PTK2B: variants seen among roughly 807,000 people sequenced by gnomAD.
The protein encoded by PTK2B is protein-tyrosine kinase 2-beta.
A neutral mutation model predicts 142.9 loss-of-function variants in PTK2B; 71 were observed. The observed-to-expected ratio is 0.50, with a 90% confidence interval of 0.41 to 0.61. PTK2B has a LOEUF of 0.61. PTK2B is among the 20% of genes least tolerant of loss of function. PTK2B has a pLI of 0.00. For missense variants in PTK2B, 1,105 were observed against 1,320.4 expected (o/e 0.84, Z 2.53); for synonymous variants, 519 against 503.4 (o/e 1.03, Z -0.42).
At position 27,397,536 on chromosome 8, in the gene PTK2B, C is replaced by T. The variant is rs780123146; in HGVS notation, c.-37-12C>T. 1 of 1,595,458 alleles carries T rather than the reference C, an allele frequency of 6.3e-7. No individual in the cohort carries two copies. Among genetic ancestry groups the T allele is most frequent in the Non-Finnish European group, 8.6e-7 (1 of 1,164,946 alleles). On this transcript the variant is annotated splice_polypyrimidine_tract_variant and intron_variant, in intron 1 of 30. Transcript: ENST00000346049. ...GGGCTCTTTCAGGGCTGACCCTCTGCTGTCTCTGCAGGACTGCAATGTGCC... is the reference window on the plus strand; with the variant it reads ...GGGCTCTTTCAGGGCTGACCCTCTGTTGTCTCTGCAGGACTGCAATGTGCC...
At chr8:27,382,540 GT>G (rs574505444) in intron 1 of PTK2B, among the ~76,000 whole-genome samples, 167 of 152,028 alleles carry the variant, frequency 1.1e-3, no homozygotes, top group African/African-American at 3.6e-3. Flanking sequence ...GGGCAACATA[GT>G]GAGATGCTGT....
At chr8:27,322,557 T>C (rs1433130954), upstream of PTK2B, 1 of 152,220 alleles carries the variant, frequency 6.6e-6, no homozygotes, top group African/African-American at 2.4e-5. Flanking sequence ...TTCTAAAAAT[T>C]ATAGCTATAG....
At chr8:27,454,993 T>C (rs1371032102) in intron 30 of PTK2B, among the ~76,000 whole-genome samples, 1 of 152,188 alleles carries the variant, frequency 6.6e-6, no homozygotes, top group Non-Finnish European at 1.5e-5. Context: ...TAATCTGATT[T>C]TCTTTATTTA....
chr8:27,435,126 C>T (rs1810691733), intron 13 of PTK2B, among the ~76,000 whole-genome samples: 1 of 152,216 alleles, frequency 6.6e-6, no homozygotes, highest in Non-Finnish European at 1.5e-5. Flanking sequence ...CTTTATTGCT[C>T]ACAGTTCTAG....
At chr8:27,327,787 T>G (rs1045322412) in intron 1 of PTK2B, among the ~76,000 whole-genome samples, 1 of 152,240 alleles carries the variant, frequency 6.6e-6, no homozygotes, top group African/African-American at 2.4e-5. Context: ...GGTGAGCTTC[T>G]CTGACCCTCA....
Position 27,450,881 on chromosome 8 carries a change from G to A in PTK2B, c.2473G>A (p.Glu825Lys), listed in dbSNP as rs762788059. Residue 825 changes from glutamate (E) to lysine (K), a missense_variant, in exon 25 of 31, where the codon GAG becomes AAG. By Grantham distance (56) the Glu-to-Lys change is moderately conservative. Coordinates refer to ENST00000346049, the MANE Select transcript of PTK2B (RefSeq NM_173176.3). Reference sequence around the variant, plus strand: ...GGAGGACTACCAGTGGCTCAGGCAGGAGGAGAAGTCCCTGGTGAGCACCCC... The same window carrying A: ...GGAGGACTACCAGTGGCTCAGGCAGAAGGAGAAGTCCCTGGTGAGCACCCC... ...MVEDYQWLRQ[E>K]EKSLDPMVYM... 6.2e-7 allele frequency: 1 copy of A among 1,614,194 alleles called. No individual in the cohort carries two copies. Among genetic ancestry groups the A allele is most frequent in the East Asian group, 2.2e-5 (1 of 44,886 alleles).
intron 1 of PTK2B, among the ~76,000 whole-genome samples, chr8:27,344,666 C>G (rs1188367328): frequency 6.6e-6 from 1 of 152,052 alleles, no homozygotes; most frequent in Non-Finnish European, 1.5e-5. Context: ...GCAGGAACTT[C>G]AGCCCCTCAG....
At chr8:27,368,018 G>A (rs1343152988) in intron 1 of PTK2B, among the ~76,000 whole-genome samples, 1 of 152,270 alleles carries the variant, frequency 6.6e-6, no homozygotes, top group East Asian at 1.9e-4. Flanking sequence ...CCACGGAATA[G>A]GGTGCTGTGG....
At position 27,422,365 on chromosome 8, in the gene PTK2B, T is replaced by C; in HGVS notation, c.533T>C (p.Leu178Pro). 3 of 1,613,280 alleles carry C rather than the reference T, an allele frequency of 1.9e-6. No individual in the cohort carries two copies. The highest frequency in any genetic ancestry group is 2.5e-6 in the Non-Finnish European group (3 of 1,179,540). The part of the protein sequence containing the change: ...SKVSEGMALQ[L>P]GCLELRRFFK... ...GTCAGCGAGGGCATGGCCCTGCAGC[T>C]GGGCTGCCTGGAGCTCAGGTATGTG... is the stretch of plus-strand genomic sequence containing the variant. The change falls in exon 5 of 31, where the codon CTG (leucine) becomes CCG (proline). Residue 178 changes from leucine (L) to proline (P), a missense_variant. Transcript: ENST00000346049.
intron 1 of PTK2B, among the ~76,000 whole-genome samples, chr8:27,358,022 C>T (rs985588864): frequency 7.2e-5 from 11 of 152,158 alleles, no homozygotes; most frequent in African/African-American, 2.4e-4. Flanking sequence ...ACCAAGCCAA[C>T]CTCATTGGAT....
At chr8:27,369,804 C>G (rs924078455) in intron 1 of PTK2B, among the ~76,000 whole-genome samples, 18 of 152,086 alleles carry the variant, frequency 1.2e-4, no homozygotes, top group African/African-American at 4.1e-4. Context: ...GCAAAACCCC[C>G]TCTCTACTAA....
At chr8:27,339,155 G>T (rs1266842222) in intron 1 of PTK2B, among the ~76,000 whole-genome samples, 3 of 152,252 alleles carry the variant, frequency 2.0e-5, no homozygotes, top group African/African-American at 7.2e-5. Context: ...CCTGGAGGCA[G>T]TTGAGAGACT....
At chr8:27,449,106 C>T (rs114471620) in intron 24 of PTK2B, among the ~76,000 whole-genome samples, 1,834 of 152,222 alleles carry the variant, frequency 0.012, 41 homozygotes, top group African/African-American at 0.042. Context: ...GGAAATTGCC[C>T]TGGAAATAAG....
intron 21 of PTK2B, 147 bp downstream of exon 21, chr8:27,440,588 G>A: frequency 1.1e-6 from 1 of 952,224 alleles, no homozygotes; most frequent in African/African-American, 1.6e-5. Flanking sequence ...TTCACTGTCA[G>A]ATATGAGCTC....
chr8:27,358,770 TCTC>T (rs1378265507), intron 1 of PTK2B, among the ~76,000 whole-genome samples: 13 of 152,270 alleles, frequency 8.5e-5, no homozygotes, highest in African/African-American at 2.9e-4. Flanking sequence ...TTTATTATTT[TCTC>T]CTCTTGTAGC....
At chr8:27,350,990 AATATATATATATATATATATATATAT>A (rs1161548916) in intron 1 of PTK2B, among the ~76,000 whole-genome samples, 1 of 12,090 alleles carries the variant, frequency 8.3e-5, no homozygotes, top group Non-Finnish European at 1.6e-4. Flanking sequence ...AAAAAAAAAA[AATATATATATATATATATATATATAT>A]ATATATATAT....
intron 1 of PTK2B, among the ~76,000 whole-genome samples, chr8:27,355,994 G>A (rs542200132): frequency 6.6e-6 from 1 of 150,888 alleles, no homozygotes; most frequent in South Asian, 2.1e-4. Flanking sequence ...TTGTACTCCA[G>A]CCCAGGCGAC....
intron 3 of PTK2B, among the ~76,000 whole-genome samples, chr8:27,316,236 T>A (rs528711603): frequency 3.7e-4 from 57 of 152,118 alleles, no homozygotes; most frequent in African/African-American, 1.4e-3. Flanking sequence ...GAATAACTTT[T>A]TAAATTGTTA....
Position 27,337,758 on chromosome 8 carries a change from A to T in PTK2B, c.-38+12077A>T, listed in dbSNP as rs1804163992. 2.0e-5 allele frequency among the ~76,000 whole-genome samples: 3 copies of T among 152,306 alleles called. No homozygotes were observed. In the South Asian group the frequency reaches 6.2e-4, roughly 32 times the overall value. ...TGTGTGGATATGCCATATTTTGTTT[A>T]TCTCTTCATTAGTAAACATTTGGAT... On this transcript the variant is annotated intron_variant, in intron 1 of 30. Transcript: ENST00000346049.
Sources: allele counts gnomAD v4.1 joint callset (sites outside exome capture counted in the v4.1 genomes callset), GRCh38; gene constraint gnomAD v4.1.1; transcripts MANE v1.5; gene names NCBI Gene and HGNC (gene_info 2026-07-23, HGNC 2026-07-21).